The following ZNF488 variants were observed in gnomAD, a reference collection of about 807,000 sequenced individuals.
The protein encoded by ZNF488 is zinc finger protein 488.
Under a neutral mutation model 1.2 loss-of-function variants are expected in ZNF488, and 1 was observed. The ratio of observed to expected loss-of-function variants is 0.86; its 90% CI spans 0.30 to 4.07. The LOEUF (loss-of-function observed/expected upper bound fraction) is 4.07. Ranked by LOEUF, ZNF488 falls within the 30% of genes most tolerant of loss-of-function variation. ZNF488 has a pLI of 0.18. For missense variants in ZNF488, 450 were observed against 437.9 expected (o/e 1.03, Z -0.25); for synonymous variants, 185 against 190.1 (o/e 0.97, Z 0.22).
rs1334032909 is a variant in ZNF488 at position 47,366,753 on chromosome 10, G to A, written c.*1054C>T. 1 of 167,070 alleles carries A rather than the reference G, an allele frequency of 6.0e-6. No individual in the cohort carries two copies. Among genetic ancestry groups the A allele is most frequent in the Non-Finnish European group, 1.5e-5 (1 of 68,128 alleles). 10.3% of individuals were successfully genotyped at this position (167,070 alleles called of 1,614,324 possible). A position where few individuals can be genotyped will look rare whatever the true frequency, so the allele number is the denominator to read the frequency against. On this transcript the variant is annotated 3_prime_UTR_variant, in exon 2 of 2. Transcript: ENST00000585316. Reference sequence around the variant, plus strand: ...TACCTAGAATGCTCCCCAGCCTCACGATCTGGAAGCCTAGTTTTTGCACAT... The same window carrying A: ...TACCTAGAATGCTCCCCAGCCTCACAATCTGGAAGCCTAGTTTTTGCACAT...
intron 1 of ZNF488, among the ~76,000 whole-genome samples, chr10:47,378,799 A>C (rs1431961385): frequency 6.6e-6 from 1 of 152,214 alleles, no homozygotes; most frequent in Non-Finnish European, 1.5e-5. Flanking sequence ...CTTGCCCTGC[A>C]GACCACCCCG....
In ZNF488 at chr10:47,367,895, C is replaced by A. The variant is rs146850128; in HGVS notation, c.935G>T (p.Arg312Leu). The change falls in exon 2 of 2, where the codon CGG (arginine) becomes CTG (leucine). Residue 312 changes from arginine (R) to leucine (L), a missense_variant. By Grantham distance (102) the Arg-to-Leu change is moderately radical (BLOSUM62 -2). Coordinates refer to ENST00000585316, the MANE Select transcript of ZNF488 (RefSeq NM_153034.4). ...HAGPDPHSQK[R>L]REEALACPVC... ...AGGGCAGGCAAGGGCCTCTTCTCTC[C>A]GCTTCTGAGAATGTGGGTCAGGCCC... 1.2e-6 allele frequency: 2 copies of A among 1,614,040 alleles called. No individual in the cohort carries two copies. Among genetic ancestry groups the A allele is most frequent in the South Asian group, 2.2e-5 (2 of 91,086 alleles).
chr10:47,381,390 A>G (rs1335279532), intron 1 of ZNF488, among the ~76,000 whole-genome samples: 1 of 152,292 alleles, frequency 6.6e-6, no homozygotes, highest in African/African-American at 2.4e-5. Flanking sequence ...GAGGACAATC[A>G]TCTACGGGCC....
chr10:47,372,447 G>C (rs1428952801), intron 1 of ZNF488, among the ~76,000 whole-genome samples: 1 of 119,530 alleles, frequency 8.4e-6, no homozygotes, highest in Non-Finnish European at 1.6e-5. Context: ...CTATGCACCA[G>C]CCTGTATCCA....
At chr10:47,375,009 G>A (rs1214530123) in intron 1 of ZNF488, among the ~76,000 whole-genome samples, 1 of 152,240 alleles carries the variant, frequency 6.6e-6, no homozygotes, top group African/African-American at 2.4e-5. Flanking sequence ...GACAGTATCT[G>A]TTACTGTGGC....
rs55901237 is a variant in ZNF488 at position 47,377,671 on chromosome 10, T to TCACACACACACACA, written c.-109+6535_-109+6548dup. 9.5e-4 allele frequency among the ~76,000 whole-genome samples: 100 copies of TCACACACACACACA among 105,026 alleles called. 1 individual carries two copies. The highest frequency in any genetic ancestry group is 1.4e-3 in the African/African-American group (39 of 27,756). 68.9% of individuals were successfully genotyped at this position (105,026 alleles called of 152,430 possible). On this transcript the variant is annotated intron_variant, in intron 1 of 1. Coordinates refer to ENST00000585316, the MANE Select transcript of ZNF488 (RefSeq NM_153034.4). ...CACCCAGAGGAGCCAGCAATAACAA[T>TCACACACACACACA]CACACACACACACACACACACACAC... is the stretch of plus-strand genomic sequence containing the variant.
chr10:47,380,106 G>C (rs1173315272), intron 1 of ZNF488, among the ~76,000 whole-genome samples: 2 of 152,278 alleles, frequency 1.3e-5, no homozygotes, highest in African/African-American at 4.8e-5. Flanking sequence ...GATGCTTTGT[G>C]GTCGTCAGCT....
At chr10:47,369,269 G>A (rs1837372405) in intron 1 of ZNF488, among the ~76,000 whole-genome samples, 1 of 152,226 alleles carries the variant, frequency 6.6e-6, no homozygotes, top group African/African-American at 2.4e-5. Flanking sequence ...AGTCTGCAGG[G>A]GAAGGGAAAG....
chr10:47,376,211 C>T (rs1837677263), intron 1 of ZNF488, among the ~76,000 whole-genome samples: 1 of 152,188 alleles, frequency 6.6e-6, no homozygotes, highest in Non-Finnish European at 1.5e-5. Flanking sequence ...CATGGACTGC[C>T]TGGGGTGCCT....
At chr10:47,381,481 G>C (rs1837953170) in intron 1 of ZNF488, among the ~76,000 whole-genome samples, 1 of 152,294 alleles carries the variant, frequency 6.6e-6, no homozygotes, top group Non-Finnish European at 1.5e-5. Flanking sequence ...CCTGGCTCTG[G>C]CACACTGAGG....
chr10:47,378,230 G>C (rs113953367), intron 1 of ZNF488, among the ~76,000 whole-genome samples: 18 of 152,352 alleles, frequency 1.2e-4, no homozygotes, highest in African/African-American at 3.8e-4. Context: ...GGATGGACCA[G>C]CTTTCAGCCT....
rs554619108 is a variant in ZNF488 at position 47,368,325 on chromosome 10, G to C, written c.505C>G (p.Arg169Gly). Residue 169 changes from arginine (R) to glycine (G), a missense_variant, in exon 2 of 2, where the codon CGA (arginine) becomes GGA (glycine). Physicochemically the swap from Arg to Gly is moderately radical, Grantham distance 125. Transcript: ENST00000585316. ...GTTAGCTCAGGCCTCTCTGCTGGTC[G>C]CTTGGTTGGTTTGCTAAAGGCGCTT... ...QRSAFSKPTK[R>G]PAERPELTSV... The C allele has an allele frequency of 6.2e-7, 1 of 1,614,048 alleles. No individual in the cohort carries two copies. Among genetic ancestry groups the C allele is most frequent in the South Asian group, 1.1e-5 (1 of 91,086 alleles).
chr10:47,368,729 C>T lies in ZNF488; in HGVS notation c.101G>A (p.Trp34Ter), dbSNP rs2132276934. 6.2e-7 allele frequency: 1 copy of T among 1,613,284 alleles called. No homozygotes were observed. Among genetic ancestry groups the T allele is most frequent in the Non-Finnish European group, 8.5e-7 (1 of 1,180,048 alleles). ...APLSPSAENR[W>*]RLSEPELGRG... ...GCCCAGCTCAGGTTCGCTAAGTCGC[C>T]ATCTGTTTTCAGCCGATGGGCTCAA... The change falls in exon 2 of 2, where the codon TGG becomes TAG. Residue 34 changes from tryptophan to a stop codon, truncating the protein, a stop_gained. Transcript: ENST00000585316. LOFTEE classifies it low-confidence loss of function (END_TRUNC).
chr10:47,368,099 G>T lies in ZNF488; in HGVS notation c.731C>A (p.Thr244Asn). Residue 244 changes from threonine (T) to asparagine (N), a missense_variant, in exon 2 of 2, where the codon ACC becomes AAC. Physicochemically the swap from Thr to Asn is moderately conservative, Grantham distance 65. Transcript: ENST00000585316. ...LGAPTLWLEH[T>N]QAQVPPPSSS... ...TGAGGGTGGGGGCACCTGGGCCTGG[G>T]TATGCTCCAGCCACAGTGTAGGGGC... 6.2e-7 allele frequency: 1 copy of T among 1,614,212 alleles called. No individual in the cohort carries two copies. The highest frequency in any genetic ancestry group is 8.5e-7 in the Non-Finnish European group (1 of 1,180,042).
chr10:47,368,366 G>T lies in ZNF488; in HGVS notation c.464C>A (p.Ala155Glu). The T allele has an allele frequency of 6.2e-7, 1 of 1,614,182 alleles. No individual in the cohort carries two copies. Among genetic ancestry groups the T allele is most frequent in the Non-Finnish European group, 8.5e-7 (1 of 1,180,050 alleles). ...AAAGGCGCTTCTTTGCTCACTTCGT[G>T]CTCCGCTGGGCCACACAGAGAAGAC... is the stretch of plus-strand genomic sequence containing the variant. ...SKVFSVWPSG[A>E]RSEQRSAFSK... Residue 155 changes from alanine (A) to glutamate (E), a missense_variant, in exon 2 of 2, where the codon GCA becomes GAA. By Grantham distance (107) the Ala-to-Glu change is moderately radical. Transcript: ENST00000585316.
chr10:47,381,981 A>T (rs1227910522), intron 1 of ZNF488, among the ~76,000 whole-genome samples: 1 of 152,292 alleles, frequency 6.6e-6, no homozygotes, highest in African/African-American at 2.4e-5. Context: ...GGCTGCAGCA[A>T]CATGGAAGTC....
intron 1 of ZNF488, among the ~76,000 whole-genome samples, chr10:47,374,646 G>A (rs1837608338): frequency 6.6e-6 from 1 of 152,130 alleles, no homozygotes; most frequent in African/African-American, 2.4e-5. Context: ...GGTCAGGGTA[G>A]CCAGAAAAAA....
At chr10:47,375,917 G>A (rs138380572) in intron 1 of ZNF488, among the ~76,000 whole-genome samples, 29 of 152,278 alleles carry the variant, frequency 1.9e-4, no homozygotes, top group Admixed American at 2.6e-4. Flanking sequence ...CAGAAAGAAC[G>A]GCACACGCGA....
chr10:47,374,530 C>G (rs1837602252), intron 1 of ZNF488, among the ~76,000 whole-genome samples: 1 of 152,212 alleles, frequency 6.6e-6, no homozygotes, highest in Non-Finnish European at 1.5e-5. Flanking sequence ...CTGCAGACAG[C>G]AGCCTCTACC....
Sources: allele counts gnomAD v4.1 joint callset (sites outside exome capture counted in the v4.1 genomes callset), GRCh38; gene constraint gnomAD v4.1.1; transcripts MANE v1.5; gene names NCBI Gene and HGNC (gene_info 2026-07-23, HGNC 2026-07-21).